SH3RF3: variants seen among roughly 807,000 people sequenced by gnomAD.
SH3RF3 encodes E3 ubiquitin-protein ligase SH3RF3.
A neutral mutation model predicts 66.3 loss-of-function variants in SH3RF3; 29 were observed. The ratio of observed to expected loss-of-function variants is 0.44; its 90% confidence interval spans 0.33 to 0.60. The LOEUF (loss-of-function observed/expected upper bound fraction) is 0.60. SH3RF3 is among the 20% of genes least tolerant of loss of function. The pLI is 0.04. For missense variants in SH3RF3, 1,194 were observed against 1,190.9 expected, an observed-to-expected ratio of 1.00 and a Z score of -0.04; for synonymous variants, 583 against 532.0, an observed-to-expected ratio of 1.10 and a Z score of -1.32.
At chr2:109,461,825 C>T (rs562833211) in intron 8 of SH3RF3, among the ~76,000 whole-genome samples, 5 of 152,146 alleles carry the variant, frequency 3.3e-5, no homozygotes, top group Admixed American at 2.0e-4. Context: ...TTTTTTTGTT[C>T]TAGGTCCTAC....
At chr2:109,193,030 T>C (rs1188702490) in intron 1 of SH3RF3, among the ~76,000 whole-genome samples, 1 of 152,224 alleles carries the variant, frequency 6.6e-6, no homozygotes, top group Non-Finnish European at 1.5e-5. Context: ...TACAGATCCA[T>C]CAACAGATGT....
chr2:109,435,407 T>C (rs1206756512), intron 6 of SH3RF3, among the ~76,000 whole-genome samples: 1 of 152,180 alleles, frequency 6.6e-6, no homozygotes, highest in Non-Finnish European at 1.5e-5. Context: ...GATTGGAGGG[T>C]AGGCGAAGGC....
chr2:109,196,209 C>G (rs1678495626), intron 1 of SH3RF3, among the ~76,000 whole-genome samples: 2 of 152,202 alleles, frequency 1.3e-5, no homozygotes, highest in Admixed American at 6.5e-5. Flanking sequence ...ACCCTTGAGG[C>G]CATGTCGGGG....
At chr2:109,496,271 T>G (rs1573298284) in intron 9 of SH3RF3, among the ~76,000 whole-genome samples, 1 of 152,256 alleles carries the variant, frequency 6.6e-6, no homozygotes, top group South Asian at 2.1e-4. Context: ...TATAATCCTC[T>G]TGCTAGCTAC....
At chr2:109,325,165 A>G (rs1360346603) in intron 1 of SH3RF3, among the ~76,000 whole-genome samples, 1 of 151,974 alleles carries the variant, frequency 6.6e-6, no homozygotes, top group Non-Finnish European at 1.5e-5. Context: ...GAAACAACTC[A>G]CTGGTCTTTA....
chr2:109,436,672 C>T (rs761724773), intron 6 of SH3RF3, among the ~76,000 whole-genome samples: 1 of 152,374 alleles, frequency 6.6e-6, no homozygotes, highest in South Asian at 2.1e-4. Flanking sequence ...GGCGGCTTTG[C>T]TATCTCTTAA....
At chr2:109,424,149 C>A (rs1174060978) in intron 5 of SH3RF3, among the ~76,000 whole-genome samples, 1 of 152,216 alleles carries the variant, frequency 6.6e-6, no homozygotes, top group Non-Finnish European at 1.5e-5. Flanking sequence ...TCTCAGGACA[C>A]ACCTGCGCTG....
chr2:109,288,645 G>A (rs965989494), intron 1 of SH3RF3, among the ~76,000 whole-genome samples: 1 of 152,222 alleles, frequency 6.6e-6, no homozygotes, highest in African/African-American at 2.4e-5. Flanking sequence ...CACCCAAGGA[G>A]ACTGACTTCT....
intron 1 of SH3RF3, among the ~76,000 whole-genome samples, chr2:109,159,961 A>T (rs2104903470): frequency 6.6e-6 from 1 of 152,342 alleles, no homozygotes; most frequent in East Asian, 1.9e-4. Context: ...CAATGTAATA[A>T]TAATAGAAAT....
At chr2:109,285,349 G>T (rs1681008133) in intron 1 of SH3RF3, among the ~76,000 whole-genome samples, 1 of 152,230 alleles carries the variant, frequency 6.6e-6, no homozygotes, top group African/African-American at 2.4e-5. Flanking sequence ...AAGCCAGCTT[G>T]TGAGTCATTA....
intron 5 of SH3RF3, among the ~76,000 whole-genome samples, chr2:109,420,872 T>C (rs1180005820): frequency 6.6e-6 from 1 of 152,232 alleles, no homozygotes; most frequent in African/African-American, 2.4e-5. Flanking sequence ...CACCAGCCTT[T>C]CTTAAGTGGT....
intron 1 of SH3RF3, among the ~76,000 whole-genome samples, chr2:109,180,608 G>A (rs570435882): frequency 4.5e-4 from 69 of 152,278 alleles, no homozygotes; most frequent in Non-Finnish European, 8.5e-4. Flanking sequence ...TAGTAAATAA[G>A]TCTCACGAGA....
chr2:109,365,496 C>G (rs1683137365), intron 2 of SH3RF3, among the ~76,000 whole-genome samples: 1 of 152,154 alleles, frequency 6.6e-6, no homozygotes, highest in African/African-American at 2.4e-5. Flanking sequence ...AGAGGAGTTG[C>G]TTTTTCAGTT....
intron 1 of SH3RF3, among the ~76,000 whole-genome samples, chr2:109,223,257 T>C (rs10189834): frequency 0.17 from 25,182 of 152,128 alleles, 4,163 homozygotes; most frequent in African/African-American, 0.42. Flanking sequence ...AGTTGGCTGT[T>C]ACCAGATCCA....
chr2:109,416,272 G>A (rs926716764), intron 4 of SH3RF3, among the ~76,000 whole-genome samples: 1 of 152,046 alleles, frequency 6.6e-6, no homozygotes, highest in African/African-American at 2.4e-5. Flanking sequence ...TGTGCACGCT[G>A]AACTTCCTAG....
chr2:109,242,822 G>C lies in SH3RF3; in HGVS notation c.574-104852G>C, dbSNP rs1339372702. On this transcript the variant is annotated intron_variant, in intron 1 of 9. Transcript: ENST00000309415. The stretch of plus-strand genomic sequence containing the variant: ...AGAGGATGGGGACCCTCACTCTGTG[G>C]CCCAAATAGAGCAATAGGGCCTTTT... Among the ~76,000 whole-genome samples, 4 of 152,164 alleles carry C rather than the reference G, an allele frequency of 2.6e-5. No individual in the cohort carries two copies. The East Asian group carries it at 7.7e-4, about 29-fold the overall frequency.
At chr2:109,475,542 CAG>C (rs999958973) in intron 8 of SH3RF3, among the ~76,000 whole-genome samples, 3 of 152,214 alleles carry the variant, frequency 2.0e-5, no homozygotes, top group African/African-American at 7.2e-5. Context: ...TGGGTGGGGA[CAG>C]GGACATATGC....
chr2:109,204,832 AT>A (rs1248916255), intron 1 of SH3RF3, among the ~76,000 whole-genome samples: 4 of 152,018 alleles, frequency 2.6e-5, no homozygotes, highest in African/African-American at 9.7e-5. Flanking sequence ...GATTCCCTGT[AT>A]TTTCTGTAGC....
chr2:109,360,787 T>A lies in SH3RF3; in HGVS notation c.850-10799T>A, dbSNP rs1162901484. Among the ~76,000 whole-genome samples the A allele has an allele frequency of 4.6e-5, 7 of 152,196 alleles. No individual in the cohort carries two copies. In the East Asian group the frequency reaches 1.3e-3, roughly 29 times the overall value. ...AACAAAGGCAGTTTTATTTCTTCCCTCCCAATCTGTACACTTTTAATTTCC... is the reference window on the plus strand; with the variant it reads ...AACAAAGGCAGTTTTATTTCTTCCCACCCAATCTGTACACTTTTAATTTCC... On this transcript the variant is annotated intron_variant, in intron 2 of 9. Coordinates refer to ENST00000309415, the MANE Select transcript of SH3RF3 (RefSeq NM_001099289.3).
Sources: allele counts gnomAD v4.1 joint callset (sites outside exome capture counted in the v4.1 genomes callset), GRCh38; gene constraint gnomAD v4.1.1; transcripts MANE v1.5; gene names NCBI Gene and HGNC (gene_info 2026-07-23, HGNC 2026-07-21).